Variants in FMNL3 observed in about 807,000 individuals in gnomAD.
FMNL3 encodes the protein formin like 3, also known as formin-like protein 3.
Under a neutral mutation model 119.6 loss-of-function variants are expected in FMNL3, and 57 were observed. The ratio of observed to expected loss-of-function variants is 0.48; its 90% CI spans 0.39 to 0.59. The LOEUF is 0.59. FMNL3 is among the 20% of genes least tolerant of loss of function. The pLI is 0.00. For synonymous variants in FMNL3, 491 were observed against 507.3 expected (o/e 0.97, Z 0.43); for missense variants, 1,053 against 1,323.5 (o/e 0.80, Z 3.17).
chr12:49,690,542 G>A (rs908042947), intron 1 of FMNL3, among the ~76,000 whole-genome samples: 10 of 152,064 alleles, frequency 6.6e-5, no homozygotes, highest in African/African-American at 2.4e-4. Flanking sequence ...TCAAGAGCAC[G>A]TAGTAAATTT....
intron 25 of FMNL3, 83 bp downstream of exon 25, chr12:49,646,803 T>G (rs1489873716): frequency 3.2e-6 from 5 of 1,585,974 alleles, no homozygotes; most frequent in African/African-American, 2.7e-5. Flanking sequence ...GGGGGTGGGG[T>G]GGGAGGAGAG....
chr12:49,648,426 A>ACGCCG, intron 21 of FMNL3, 73 bp from the exon 22 acceptor site: 1 of 1,495,228 alleles, frequency 6.7e-7, no homozygotes, highest in Admixed American at 2.1e-5. Context: ...AGCTATATCA[A>ACGCCG]ACTCTGGCCC....
chr12:49,657,249 G>A, intron 6 of FMNL3, 59 bp from the exon 7 acceptor site: 1 of 1,321,858 alleles, frequency 7.6e-7, no homozygotes, highest in South Asian at 1.2e-5. Context: ...AGCATCTAGG[G>A]ACACTCACCA....
chr12:49,637,812 GGAC>G lies in FMNL3; in HGVS notation c.*8000_*8002del. On this transcript the variant is annotated 3_prime_UTR_variant, in exon 26 of 26. Transcript: ENST00000335154. ...TCCATGATGAAAAGAAGATCATTAA[GGAC>G]ATCCTTAAGGTGAGGGAGGCTGGGG... 1 of 1,608,164 alleles carries G rather than the reference GGAC, an allele frequency of 6.2e-7. No homozygotes were observed. The highest frequency in any genetic ancestry group is 1.1e-5 in the South Asian group (1 of 90,784).
chr12:49,649,970 G>A lies in FMNL3; in HGVS notation c.2001-45C>T, dbSNP rs759748563. On this transcript the variant is annotated intron_variant, in intron 17 of 25. Coordinates refer to ENST00000335154, the MANE Select transcript of FMNL3 (RefSeq NM_175736.5). This position sits in a 1 kb window ranked among gnomAD's most constrained non-coding sequence, Gnocchi z 5.6. Reference sequence around the variant, plus strand: ...CACCTCAGTTCTCACATCTCTCCACGTTTTCCCTCATCCCTTTTATTCTCC... The same window carrying A: ...CACCTCAGTTCTCACATCTCTCCACATTTTCCCTCATCCCTTTTATTCTCC... 1.4e-5 allele frequency: 21 copies of A among 1,518,848 alleles called. No homozygotes were observed. Among genetic ancestry groups the A allele is most frequent in the Admixed American group, 1.8e-5 (1 of 55,796 alleles). 94.1% of individuals were successfully genotyped at this position (1,518,848 alleles called of 1,614,324 possible).
intron 11 of FMNL3, 127 bp downstream of exon 11, chr12:49,654,065 A>G: frequency 8.7e-7 from 1 of 1,155,734 alleles, no homozygotes; most frequent in South Asian, 1.5e-5. Context: ...CCTGAGTCCC[A>G]GGCTACAGAA....
chr12:49,706,403 C>T (rs1396188078), intron 1 of FMNL3, among the ~76,000 whole-genome samples: 1 of 152,190 alleles, frequency 6.6e-6, no homozygotes, highest in Non-Finnish European at 1.5e-5. Context: ...GGAGAAATAC[C>T]CCAGTGAAAT....
chr12:49,701,253 T>C (rs577760353), intron 1 of FMNL3, among the ~76,000 whole-genome samples: 6 of 152,260 alleles, frequency 3.9e-5, no homozygotes, highest in African/African-American at 1.4e-4. Flanking sequence ...GGTGAGATTA[T>C]AGGTTTTATT....
At chr12:49,702,105 A>G (rs955128553) in intron 1 of FMNL3, among the ~76,000 whole-genome samples, 4 of 151,960 alleles carry the variant, frequency 2.6e-5, no homozygotes, top group African/African-American at 9.7e-5. Flanking sequence ...GGAGTTTGAA[A>G]CCAATGTGGG....
chr12:49,659,834 C>T (rs1943681512), intron 5 of FMNL3: 17 of 985,340 alleles, frequency 1.7e-5, no homozygotes, highest in Non-Finnish European at 1.9e-5. Context: ...CAGTCCCTCT[C>T]CTCCTTCTTG....
intron 1 of FMNL3, among the ~76,000 whole-genome samples, chr12:49,676,559 T>C (rs911788134): frequency 2.8e-5 from 4 of 142,676 alleles, no homozygotes; most frequent in Admixed American, 1.4e-4. Flanking sequence ...ATGCTTTCTC[T>C]ATTCACAACT....
Position 49,648,245 on chromosome 12 carries a change from C to T in FMNL3, c.2624G>A (p.Ser875Asn), listed in dbSNP as rs1463474850. ...HDNSVLRNFL[S>N]TNEGKLDKLQ... is the part of the protein sequence containing the mutation. ...CTTGTCTAGTTTGCCTTCATTGGTA[C>T]TGAGGAAGTTCCGGAGGACGCTGTT... The change falls in exon 22 of 26, where the codon AGT becomes AAT. Residue 875 changes from serine to asparagine, a missense_variant. Around this residue, in one of 4 missense-constraint regions of FMNL3, gnomAD observed 324 missense variants for 380.9 expected, o/e 0.85. Transcript: ENST00000335154. 3 of 1,613,998 alleles carry T rather than the reference C, an allele frequency of 1.9e-6. No homozygotes were observed. The highest frequency in any genetic ancestry group is 2.5e-6 in the Non-Finnish European group (3 of 1,180,002).
chr12:49,706,142 G>A (rs1592707425), intron 1 of FMNL3, among the ~76,000 whole-genome samples: 1 of 152,128 alleles, frequency 6.6e-6, no homozygotes. Context: ...CATTTTCAGC[G>A]CAAACATATT....
Position 49,647,571 on chromosome 12 carries a change from C to G in FMNL3, c.2778+132G>C. ...ACCAGTTCACAGCTAAGAGGCCTGTCACCAGCTTGCATCGCTCCCTTCCCA... is the reference window on the plus strand; with the variant it reads ...ACCAGTTCACAGCTAAGAGGCCTGTGACCAGCTTGCATCGCTCCCTTCCCA... On this transcript the variant is annotated intron_variant, in intron 23 of 25. Coordinates refer to ENST00000335154, the MANE Select transcript of FMNL3 (RefSeq NM_175736.5). This position sits in a 1 kb window ranked among gnomAD's most constrained non-coding sequence, Gnocchi z 4.9. The G allele has an allele frequency of 1.1e-6, 1 of 927,934 alleles. No homozygotes were observed. The highest frequency in any genetic ancestry group is 1.7e-6 in the Non-Finnish European group (1 of 598,228). 57.5% of individuals were successfully genotyped at this position (927,934 alleles called of 1,614,324 possible).
chr12:49,661,972 G>A lies in FMNL3; in HGVS notation c.446C>T (p.Ser149Phe). ...LVDYLSFAQC[S>F]VMFDFEGLES... Reference sequence around the variant, plus strand: ...GCCCCGGGGTGGTACTCACATGACAGAACACTGGGCAAAGGACAGGTAATC... The same window carrying A: ...GCCCCGGGGTGGTACTCACATGACAAAACACTGGGCAAAGGACAGGTAATC... Residue 149 changes from serine (S) to phenylalanine (F), a missense_variant, in exon 5 of 26, where the codon TCT becomes TTT. Around this residue, in one of 4 missense-constraint regions of FMNL3, gnomAD observed 264 missense variants for 265.5 expected, o/e 0.99. Transcript: ENST00000335154. 1 of 1,614,140 alleles carries A rather than the reference G, an allele frequency of 6.2e-7. No individual in the cohort carries two copies. Among genetic ancestry groups the A allele is most frequent in the South Asian group, 1.1e-5 (1 of 91,080 alleles).
intron 13 of FMNL3, among the ~76,000 whole-genome samples, chr12:49,652,425 C>G (rs1415992103): frequency 1.3e-5 from 2 of 152,134 alleles, no homozygotes; most frequent in Non-Finnish European, 2.9e-5. Flanking sequence ...CCGCTGGCAC[C>G]CTGAAGTGTC....
intron 12 of FMNL3, 97 bp from the exon 13 acceptor site, chr12:49,653,424 A>C: frequency 8.0e-7 from 1 of 1,243,686 alleles, no homozygotes; most frequent in Non-Finnish European, 1.2e-6. Context: ...ACCCCTCAAC[A>C]CAAGGCCACA....
At position 49,646,977 on chromosome 12, in the gene FMNL3, C is replaced by T. The variant is rs1943219805; in HGVS notation, c.2904G>A (p.Gln968=). The T allele has an allele frequency of 2.5e-6, 4 of 1,614,120 alleles. No homozygotes were observed. In the African/African-American group the frequency reaches 5.3e-5, roughly 22 times the overall value. The stretch of plus-strand genomic sequence containing the variant: ...GCCGCCTCAACTCTGCTATTAACTC[C>T]TGCTGTTGCCACTTGTTCCGCTGGG... ...TPSQRNKWQQ[Q]ELIAELRRRQ... The change falls in exon 25 of 26, where the codon CAG becomes CAA. Residue 968 remains glutamine, a synonymous_variant. Transcript: ENST00000335154.
At chr12:49,686,529 G>C (rs1944465163) in intron 1 of FMNL3, among the ~76,000 whole-genome samples, 1 of 141,226 alleles carries the variant, frequency 7.1e-6, no homozygotes. Context: ...AGTGAGCAGA[G>C]ATTCCGCCAC....
Sources: allele counts gnomAD v4.1 joint callset (sites outside exome capture counted in the v4.1 genomes callset), GRCh38; gene constraint gnomAD v4.1.1; regional missense constraint gnomAD v4.1.1; non-coding constraint Gnocchi (gnomAD v3.1); transcripts MANE v1.5; gene names NCBI Gene and HGNC (gene_info 2026-07-23, HGNC 2026-07-21).